Variants in KLF8 observed in about 807,000 individuals in gnomAD.
KLF8 encodes Krueppel-like factor 8.
A neutral mutation model predicts 18.2 loss-of-function variants in KLF8; 10 were observed. The observed-to-expected ratio is 0.55, with a 90% CI of 0.34 to 0.93. The LOEUF is 0.93. Among genes scored for constraint, KLF8 ranks in the 40% least tolerant of loss-of-function variants. The probability of loss-of-function intolerance (pLI) is 0.02; values close to 1 mark genes in which losing one functional copy is unlikely to be tolerated. For missense variants in KLF8, 264 were observed against 277.9 expected, an observed-to-expected ratio of 0.95 and a Z score of 0.36; for synonymous variants, 109 against 97.3, an observed-to-expected ratio of 1.12 and a Z score of -0.71.
At chrX:56,065,102 C>T in the KLF8 span, among the ~76,000 whole-genome samples, 9,638 of 111,196 alleles carry the variant, frequency 0.087, 1,023 homozygotes, top group African/African-American at 0.3. Context: ...GGAATTTCTG[C>T]TTATTATGTA....
At chrX:56,172,397 G>C in the KLF8 span, among the ~76,000 whole-genome samples, 7 of 110,945 alleles carry the variant, frequency 6.3e-5, no homozygotes, top group African/African-American at 2.3e-4. Context: ...GAGAATGATG[G>C]TTTCCAGCTT....
Position 56,244,175 on chromosome X carries a change from A to C in KLF8, c.8-6056A>C, listed in dbSNP as rs931970230. Among the ~76,000 whole-genome samples, 3 of 111,300 alleles carry C rather than the reference A, an allele frequency of 2.7e-5. No homozygotes were observed. In the Admixed American group the frequency reaches 2.9e-4, roughly 11 times the overall value. On this transcript the variant is annotated intron_variant, in intron 1 of 5. Transcript: ENST00000468660. ...AAGCAACTTCATCTCTCTGTGCCTT[A>C]GTTTCCTCATTTTTAAATTTCATTC...
chrX:55,934,456 C>A, the KLF8 span, among the ~76,000 whole-genome samples: 2 of 112,016 alleles, frequency 1.8e-5, no homozygotes, highest in African/African-American at 3.2e-5. Flanking sequence ...AGCAGAATGT[C>A]CAAGTGCTGA....
the KLF8 span, among the ~76,000 whole-genome samples, chrX:56,058,446 C>T: frequency 9.9e-6 from 1 of 101,246 alleles, no homozygotes; most frequent in African/African-American, 3.6e-5. Flanking sequence ...CCCATCAGCC[C>T]GTCACCTACA....
the KLF8 span, among the ~76,000 whole-genome samples, chrX:56,149,453 C>A: frequency 9.1e-6 from 1 of 110,152 alleles, no homozygotes; most frequent in Non-Finnish European, 1.9e-5. Flanking sequence ...GGGAGTGGGA[C>A]AAGGGCTGAA....
At chrX:55,918,084 T>C in the KLF8 span, among the ~76,000 whole-genome samples, 3 of 111,892 alleles carry the variant, frequency 2.7e-5, no homozygotes, top group Admixed American at 2.9e-4. Context: ...TATCTTTCCT[T>C]GAATGGAAAT....
chrX:56,050,063 T>C, the KLF8 span, among the ~76,000 whole-genome samples: 1 of 110,650 alleles, frequency 9.0e-6, no homozygotes, highest in Non-Finnish European at 1.9e-5. Flanking sequence ...ATAGAGGTGT[T>C]TGTAGTATTC....
chrX:56,253,752 T>TTTTTTC (rs1216981650), intron 2 of KLF8, among the ~76,000 whole-genome samples: 1 of 76,437 alleles, frequency 1.3e-5, no homozygotes, highest in Non-Finnish European at 2.5e-5. Context: ...CATAATGTCT[T>TTTTTTC]TTTTTCTTTT....
the KLF8 span, among the ~76,000 whole-genome samples, chrX:55,972,274 A>T: frequency 3.6e-4 from 40 of 111,570 alleles, no homozygotes; most frequent in African/African-American, 1.2e-3. Flanking sequence ...CAGTGAAATA[A>T]GCCAGGCATG....
chrX:56,103,439 T>C, the KLF8 span, among the ~76,000 whole-genome samples: 17 of 111,481 alleles, frequency 1.5e-4, no homozygotes, highest in Admixed American at 6.7e-4. Context: ...CCCTTGTTAG[T>C]TGGATTCCTA....
At chrX:56,228,746 G>A (rs1158297605), upstream of KLF8, among the ~76,000 whole-genome samples, 1 of 111,707 alleles carries the variant, frequency 9.0e-6, no homozygotes, top group African/African-American at 3.3e-5. Context: ...AGGGGCAAAA[G>A]GTCTCCTTCT....
the KLF8 span, among the ~76,000 whole-genome samples, chrX:56,154,900 A>G: frequency 2.7e-5 from 3 of 112,175 alleles, no homozygotes; most frequent in African/African-American, 6.5e-5. Flanking sequence ...CAAAACCACA[A>G]TGAGATACCA....
the KLF8 span, among the ~76,000 whole-genome samples, chrX:55,939,319 G>A: frequency 2.7e-5 from 3 of 111,550 alleles, no homozygotes; most frequent in Non-Finnish European, 5.6e-5. Flanking sequence ...GATGTTCTTT[G>A]AAACCAACGA....
the KLF8 span, among the ~76,000 whole-genome samples, chrX:56,088,320 A>G: frequency 8.9e-6 from 1 of 111,749 alleles, no homozygotes; most frequent in Non-Finnish European, 1.9e-5. Context: ...TATCTGCTAG[A>G]TTGATGAATA....
chrX:55,926,167 G>C, the KLF8 span, among the ~76,000 whole-genome samples: 1 of 111,735 alleles, frequency 8.9e-6, no homozygotes, highest in African/African-American at 3.3e-5. Context: ...TGAGTAGTTA[G>C]AGATAAGGAT....
At chrX:56,154,030 C>T in the KLF8 span, among the ~76,000 whole-genome samples, 2 of 111,177 alleles carry the variant, frequency 1.8e-5, no homozygotes, top group East Asian at 2.8e-4. Flanking sequence ...GATTCAATGC[C>T]ATCCCCATCA....
chrX:55,995,464 C>T, the KLF8 span, among the ~76,000 whole-genome samples: 3 of 112,168 alleles, frequency 2.7e-5, no homozygotes, highest in Non-Finnish European at 5.6e-5. Flanking sequence ...TGTATAGATG[C>T]TTTACAGTCT....
the KLF8 span, among the ~76,000 whole-genome samples, chrX:55,935,473 C>G: frequency 8.0e-5 from 9 of 112,242 alleles, no homozygotes; most frequent in Non-Finnish European, 1.3e-4. Flanking sequence ...TCTAGAGGAA[C>G]TATTTACTTG....
At chrX:56,165,304 A>G in the KLF8 span, among the ~76,000 whole-genome samples, 1 of 112,094 alleles carries the variant, frequency 8.9e-6, no homozygotes, top group African/African-American at 3.2e-5. Context: ...CCAGGGGTGG[A>G]GGCAGTCCCC....
Sources: allele counts gnomAD v4.1 joint callset (sites outside exome capture counted in the v4.1 genomes callset), GRCh38; gene constraint gnomAD v4.1.1; transcripts MANE v1.5; gene names NCBI Gene and HGNC (gene_info 2026-07-23, HGNC 2026-07-21).